Variants in PRSS35 observed in about 807,000 individuals in gnomAD.
PRSS35 encodes serine protease 35.
Under a neutral mutation model 8.1 loss-of-function variants are expected in PRSS35, and 7 were observed. The ratio of observed to expected loss-of-function variants is 0.86; its 90% CI spans 0.49 to 1.62. PRSS35 has a LOEUF of 1.62. Among genes scored for constraint, PRSS35 ranks in the 40% most tolerant of loss-of-function variants. The pLI is 0.00. For missense variants in PRSS35, 566 were observed against 518.0 expected, an observed-to-expected ratio of 1.09 and a Z score of -0.90; for synonymous variants, 199 against 188.7, an observed-to-expected ratio of 1.05 and a Z score of -0.45.
chr6:83,519,194 T>A (rs1232461590), intron 1 of PRSS35, among the ~76,000 whole-genome samples: 1 of 152,230 alleles, frequency 6.6e-6, no homozygotes, highest in Non-Finnish European at 1.5e-5. Flanking sequence ...CAGTAAGAGT[T>A]CATCTACATA....
At chr6:83,516,958 A>G (rs1300852837) in intron 1 of PRSS35, among the ~76,000 whole-genome samples, 5 of 152,196 alleles carry the variant, frequency 3.3e-5, no homozygotes, top group Admixed American at 2.6e-4. Flanking sequence ...AAATATTCAC[A>G]GGTCCTGGGG....
At chr6:83,515,969 C>T (rs117317791) in intron 1 of PRSS35, among the ~76,000 whole-genome samples, 3,857 of 152,148 alleles carry the variant, frequency 0.025, 65 homozygotes, top group East Asian at 0.061. Context: ...TACACAACAG[C>T]ATGCCTGGCT....
chr6:83,523,517 G>T lies in PRSS35; in HGVS notation c.76G>T (p.Asp26Tyr), dbSNP rs767591823. 13 of 1,614,044 alleles carry T rather than the reference G, an allele frequency of 8.1e-6. No individual in the cohort carries two copies. In the South Asian group the frequency reaches 1.4e-4, roughly 18 times the overall value. ...CATTGATGGATCTGAAATGGAATGGGATTTTATGTGGCACTTGAGAAAGGT... is the reference window on the plus strand; with the variant it reads ...CATTGATGGATCTGAAATGGAATGGTATTTTATGTGGCACTTGAGAAAGGT... ...TLIDGSEMEWDFMWHLRKVPR... is the reference protein window; with the variant it reads ...TLIDGSEMEWYFMWHLRKVPR... Residue 26 changes from aspartate to tyrosine, a missense_variant, in exon 2 of 2, where the codon GAT (aspartate) becomes TAT (tyrosine). By Grantham distance (160) the Asp-to-Tyr change is radical. Transcript: ENST00000369700.
Position 83,523,822 on chromosome 6 carries a change from C to T in PRSS35, c.381C>T (p.Thr127=), listed in dbSNP as rs1350158113. 5 of 1,614,130 alleles carry T rather than the reference C, an allele frequency of 3.1e-6. No individual in the cohort carries two copies. Among genetic ancestry groups the T allele is most frequent in the East Asian group, 2.2e-5 (1 of 44,872 alleles). ...GGAGAAAGAGACAGGTGTATGGCAC[C>T]GACAGCAGGTTCAGCATCTTGGACA... is the stretch of plus-strand genomic sequence containing the variant. The part of the protein sequence containing the change: ...SVRRKRQVYG[T]DSRFSILDKR... Residue 127 remains threonine (T), a synonymous_variant, in exon 2 of 2, where the codon ACC becomes ACT. Coordinates refer to ENST00000369700, the MANE Select transcript of PRSS35 (RefSeq NM_153362.3).
chr6:83,524,764 G>C lies in PRSS35; in HGVS notation c.*81G>C. The C allele has an allele frequency of 7.4e-7, 1 of 1,344,326 alleles. No homozygotes were observed. Among genetic ancestry groups the C allele is most frequent in the East Asian group, 2.4e-5 (1 of 41,822 alleles). The allele number at this position is 1,344,326 out of a possible 1,614,324, so 83.3% of individuals were successfully genotyped here. A position where few individuals can be genotyped will look rare whatever the true frequency, so the allele number is the denominator to read the frequency against. ...CTTACCGTAGTGAGATCACTTCATA[G>C]GTTATGCCTGGACTTGAACTCTGTC... On this transcript the variant is annotated 3_prime_UTR_variant, in exon 2 of 2. Transcript: ENST00000369700.
intron 1 of PRSS35, among the ~76,000 whole-genome samples, chr6:83,522,715 A>G (rs1771845229): frequency 6.6e-6 from 1 of 152,232 alleles, no homozygotes; most frequent in Admixed American, 6.5e-5. Context: ...TTACTTTAGC[A>G]TAAAATGGCC....
chr6:83,516,724 CT>C (rs759009230), intron 1 of PRSS35, among the ~76,000 whole-genome samples: 1 of 151,496 alleles, frequency 6.6e-6, no homozygotes, highest in Non-Finnish European at 1.5e-5. Flanking sequence ...TTTTCCTTAC[CT>C]TTTTCAGCAT....
chr6:83,518,335 C>T (rs1208558850), intron 1 of PRSS35, among the ~76,000 whole-genome samples: 1 of 152,046 alleles, frequency 6.6e-6, no homozygotes, highest in East Asian at 1.9e-4. Context: ...TTGTAGATCA[C>T]TCCCTTAGAG....
Position 83,524,216 on chromosome 6 carries a change from A to G in PRSS35, c.775A>G (p.Ile259Val). The change falls in exon 2 of 2, where the codon ATT (isoleucine) becomes GTT (valine). Residue 259 changes from isoleucine (I) to valine (V), a missense_variant. Transcript: ENST00000369700. ...GTGGACCCGGGTCAAGAATACCCAC[A>G]TTCCGAAGGGCTGGGCACGAGGAGG... ...FQWTRVKNTH[I>V]PKGWARGGMG... 1 of 1,614,076 alleles carries G rather than the reference A, an allele frequency of 6.2e-7. No homozygotes were observed. The highest frequency in any genetic ancestry group is 1.1e-5 in the South Asian group (1 of 91,066).
chr6:83,521,708 C>A (rs140526909), intron 1 of PRSS35, among the ~76,000 whole-genome samples: 1 of 151,788 alleles, frequency 6.6e-6, no homozygotes, highest in East Asian at 1.9e-4. Flanking sequence ...CAGTATGTTG[C>A]CCAATCTGGT....
rs1272546287 is a variant in PRSS35 at position 83,523,565 on chromosome 6, A to G, written c.124A>G (p.Thr42Ala). 5 of 1,614,154 alleles carry G rather than the reference A, an allele frequency of 3.1e-6. No individual in the cohort carries two copies. Among genetic ancestry groups the G allele is most frequent in the Non-Finnish European group, 4.2e-6 (5 of 1,180,032 alleles). Reference protein sequence around the residue: ...RKVPRIVSERTFHLTSPAFEA... With the variant: ...RKVPRIVSERAFHLTSPAFEA... ...GGTACCCCGGATTGTCAGTGAAAGG[A>G]CTTTCCATCTCACCAGCCCCGCATT... Residue 42 changes from threonine (T) to alanine (A), a missense_variant, in exon 2 of 2, where the codon ACT (threonine) becomes GCT (alanine). Transcript: ENST00000369700.
intron 1 of PRSS35, among the ~76,000 whole-genome samples, chr6:83,514,902 C>T (rs1007383548): frequency 6.6e-6 from 1 of 152,194 alleles, no homozygotes; most frequent in African/African-American, 2.4e-5. Context: ...TCATATGTCT[C>T]CCTATGTCAC....
In PRSS35 at chr6:83,525,105, A is replaced by G. The variant is rs148773679; in HGVS notation, c.*422A>G. The G allele has an allele frequency of 1.4e-3, 244 of 177,720 alleles. No individual in the cohort carries two copies. The highest frequency in any genetic ancestry group is 5.2e-3 in the African/African-American group (218 of 41,724). 11.0% of individuals were successfully genotyped at this position (177,720 alleles called of 1,614,324 possible). A position where few individuals can be genotyped will look rare whatever the true frequency, so the allele number is the denominator to read the frequency against. ...CATAGATAAAGGTAGATGGTAAAGCAATTAGTATCAGAATAGAGACAGAAA... is the reference window on the plus strand; with the variant it reads ...CATAGATAAAGGTAGATGGTAAAGCGATTAGTATCAGAATAGAGACAGAAA... On this transcript the variant is annotated 3_prime_UTR_variant, in exon 2 of 2. Transcript: ENST00000369700.
chr6:83,520,829 C>T (rs571383245), intron 1 of PRSS35, among the ~76,000 whole-genome samples: 7 of 152,282 alleles, frequency 4.6e-5, no homozygotes, highest in South Asian at 2.1e-4. Context: ...ACAGGATAAA[C>T]GTAACTGGGG....
In PRSS35 at chr6:83,523,980, G is replaced by A; in HGVS notation, c.539G>A (p.Gly180Glu). The change falls in exon 2 of 2, where the codon GGG becomes GAG. Residue 180 changes from glycine to glutamate, a missense_variant. Transcript: ENST00000369700. Reference sequence around the variant, plus strand: ...CATGATGGAAAGGACTATGTCAAAGGGAGTAAAAAGCTAAGGGTAGGGTTG... The same window carrying A: ...CATGATGGAAAGGACTATGTCAAAGAGAGTAAAAAGCTAAGGGTAGGGTTG... Reference protein sequence around the residue: ...CVHDGKDYVKGSKKLRVGLLK... With the variant: ...CVHDGKDYVKESKKLRVGLLK... 6.2e-7 allele frequency: 1 copy of A among 1,614,154 alleles called. No homozygotes were observed. The highest frequency in any genetic ancestry group is 1.1e-5 in the South Asian group (1 of 91,068).
chr6:83,513,912 C>T (rs1771668146), intron 1 of PRSS35, among the ~76,000 whole-genome samples: 1 of 152,018 alleles, frequency 6.6e-6, no homozygotes, highest in African/African-American at 2.4e-5. Context: ...GCTCAAATAT[C>T]AAACAAGCAT....
Position 83,523,277 on chromosome 6 carries a change from C to G in PRSS35, c.-20-145C>G, listed in dbSNP as rs1029896295. The G allele has an allele frequency of 3.4e-5, 22 of 654,996 alleles. No homozygotes were observed. The Admixed American group carries it at 3.6e-4, about 11-fold the overall frequency. 40.6% of individuals were successfully genotyped at this position (654,996 alleles called of 1,614,324 possible). ...TGTGAGCCCACTTACCAGTGTTTAT[C>G]TAATCTCAATAAAATCTAGGTAAGG... is the stretch of plus-strand genomic sequence containing the variant. On this transcript the variant is annotated intron_variant, in intron 1 of 1. Transcript: ENST00000369700.
chr6:83,522,818 C>T (rs1320984534), intron 1 of PRSS35, among the ~76,000 whole-genome samples: 1 of 151,876 alleles, frequency 6.6e-6, no homozygotes, highest in Non-Finnish European at 1.5e-5. Context: ...ATTGCTAATA[C>T]TCTTACTGCT....
At position 83,525,289 on chromosome 6, in the gene PRSS35, T is replaced by C. The variant is rs1173116404; in HGVS notation, c.*606T>C. ...AAGCATTATAAACAAAACTAATAAC[T>C]GTTTTACTGCTTTAAGAAATAACAA... is the stretch of plus-strand genomic sequence containing the variant. On this transcript the variant is annotated 3_prime_UTR_variant, in exon 2 of 2. Coordinates refer to ENST00000369700, the MANE Select transcript of PRSS35 (RefSeq NM_153362.3). 6.0e-6 allele frequency: 1 copy of C among 166,950 alleles called. No homozygotes were observed. Among genetic ancestry groups the C allele is most frequent in the Non-Finnish European group, 1.5e-5 (1 of 68,126 alleles). 10.3% of individuals were successfully genotyped at this position (166,950 alleles called of 1,614,324 possible).
Sources: gnomAD v4.1 joint callset for allele counts (sites outside exome capture counted in the v4.1 genomes callset) on GRCh38, gnomAD v4.1.1 for gene constraint, MANE v1.5 for transcripts, NCBI Gene and HGNC (gene_info 2026-07-23, HGNC 2026-07-21) for gene names.